UTRN: variants seen among roughly 807,000 people sequenced by gnomAD.
UTRN encodes the protein dystrophin-related protein 1.
UTRN carries 283 observed loss-of-function variants against 463.9 expected under a neutral mutation model. The ratio of observed to expected loss-of-function variants is 0.61; its 90% CI spans 0.55 to 0.67. UTRN has a LOEUF of 0.67. UTRN is among the 30% of genes least tolerant of loss of function. The pLI is 0.00. For missense variants in UTRN, 3,922 were observed against 4,084.3 expected, an observed-to-expected ratio of 0.96 and a Z score of 1.08; for synonymous variants, 1,442 against 1,431.5, an observed-to-expected ratio of 1.01 and a Z score of -0.17.
chr6:144,382,600 T>C (rs1781034136), intron 2 of UTRN, among the ~76,000 whole-genome samples: 1 of 152,196 alleles, frequency 6.6e-6, no homozygotes, highest in Admixed American at 6.5e-5. Context: ...ATAACAATTG[T>C]TTAAGGGTTG....
intron 2 of UTRN, among the ~76,000 whole-genome samples, chr6:144,349,026 T>C (rs934153908): frequency 6.6e-6 from 1 of 152,142 alleles, no homozygotes; most frequent in African/African-American, 2.4e-5. Flanking sequence ...TTTTTTTGTT[T>C]TGAGACGGAG....
At chr6:144,814,258 C>T (rs973208766) in intron 65 of UTRN, among the ~76,000 whole-genome samples, 27 of 152,106 alleles carry the variant, frequency 1.8e-4, no homozygotes, top group African/African-American at 6.0e-4. Flanking sequence ...CATGGGAGGA[C>T]GCAGTGAGAA....
At chr6:144,831,426 G>A (rs1780662351) in intron 69 of UTRN, among the ~76,000 whole-genome samples, 1 of 152,132 alleles carries the variant, frequency 6.6e-6, no homozygotes, top group Non-Finnish European at 1.5e-5. Flanking sequence ...CTTTGAAAAT[G>A]AGGAATGCAG....
intron 51 of UTRN, among the ~76,000 whole-genome samples, chr6:144,602,662 A>G (rs1033429392): frequency 2.6e-5 from 4 of 152,300 alleles, no homozygotes; most frequent in African/African-American, 9.6e-5. Context: ...GAAAATTCTC[A>G]GTATCGCCTC....
intron 53 of UTRN, among the ~76,000 whole-genome samples, chr6:144,727,771 CAAAA>C (rs1414665778): frequency 2.0e-5 from 3 of 151,020 alleles, no homozygotes; most frequent in Non-Finnish European, 3.0e-5. Context: ...TCTCAAAAAA[CAAAA>C]CAAACAAACA....
intron 29 of UTRN, 21 bp downstream of exon 29, chr6:144,487,718 G>C: frequency 6.3e-7 from 1 of 1,586,248 alleles, no homozygotes. Flanking sequence ...GGACATACAT[G>C]GGTGTTGATT....
chr6:144,748,811 A>T (rs941565326), intron 55 of UTRN, among the ~76,000 whole-genome samples: 2 of 152,160 alleles, frequency 1.3e-5, no homozygotes, highest in Admixed American at 6.6e-5. Context: ...ACCTATTTTT[A>T]AAAAATATTT....
At chr6:144,762,803 AG>A (rs1792856279) in intron 58 of UTRN, among the ~76,000 whole-genome samples, 1 of 152,244 alleles carries the variant, frequency 6.6e-6, no homozygotes, top group South Asian at 2.1e-4. Context: ...ATAAGTCCTA[AG>A]GGACTTGAAA....
At chr6:144,827,822 T>C in intron 68 of UTRN, 146 bp downstream of exon 68, 1 of 973,656 alleles carries the variant, frequency 1.0e-6, no homozygotes, top group Middle Eastern at 2.2e-4. Flanking sequence ...ATTTGGGCTC[T>C]CATATTTTCA....
intron 9 of UTRN, among the ~76,000 whole-genome samples, chr6:144,433,958 T>C (rs1018707578): frequency 2.0e-5 from 3 of 152,206 alleles, no homozygotes; most frequent in Non-Finnish European, 4.4e-5. Flanking sequence ...GGGCAGAGGC[T>C]GCAGTCTCGG....
intron 33 of UTRN, among the ~76,000 whole-genome samples, chr6:144,497,589 G>C (rs1428550600): frequency 6.6e-6 from 1 of 151,866 alleles, no homozygotes; most frequent in African/African-American, 2.4e-5. Context: ...GCTGAGGCAG[G>C]AGAATCACTT....
At chr6:144,473,660 G>C in intron 23 of UTRN, 60 bp from the exon 24 acceptor site, 1 of 1,316,164 alleles carries the variant, frequency 7.6e-7, no homozygotes, top group Non-Finnish European at 1.1e-6. Flanking sequence ...GGTAGATCTT[G>C]AGATGTAGTA....
At chr6:144,548,535 T>C (rs1798617817) in intron 46 of UTRN, 105 bp from the exon 47 acceptor site, 1 of 1,131,698 alleles carries the variant, frequency 8.8e-7, no homozygotes, top group African/African-American at 1.6e-5. Flanking sequence ...TTTTTTTTAC[T>C]TAAACTAAAT....
At chr6:144,774,256 G>A (rs1227719652) in intron 59 of UTRN, 34 bp from the exon 60 acceptor site, 2 of 1,562,146 alleles carry the variant, frequency 1.3e-6, no homozygotes, top group Admixed American at 1.9e-5. Context: ...TCAATAATAA[G>A]CCTATCTTCA....
In UTRN at chr6:144,286,607, C is replaced by T. The variant is rs1803682990; in HGVS notation, c.-93+786C>T. On this transcript the variant is annotated intron_variant, in intron 1 of 74. Transcript: ENST00000367545. This position sits in a 1 kb window ranked among gnomAD's most constrained non-coding sequence, Gnocchi z 4.4. ...CCCCGCTTTGGCCCGGGGTCCGAGG[C>T]TGTGGTTGCTCAAGGCCACTTAAAA... 6.6e-6 allele frequency among the ~76,000 whole-genome samples: 1 copy of T among 152,124 alleles called. No homozygotes were observed. Among genetic ancestry groups the T allele is most frequent in the Non-Finnish European group, 1.5e-5 (1 of 68,030 alleles).
At chr6:144,480,240 GGGA>G (rs1429729555) in intron 26 of UTRN, among the ~76,000 whole-genome samples, 1 of 152,144 alleles carries the variant, frequency 6.6e-6, no homozygotes, top group Non-Finnish European at 1.5e-5. Flanking sequence ...TTAGACCTTT[GGGA>G]GGCTACAGAG....
At chr6:144,350,746 G>C (rs1778041965) in intron 2 of UTRN, among the ~76,000 whole-genome samples, 1 of 152,132 alleles carries the variant, frequency 6.6e-6, no homozygotes, top group African/African-American at 2.4e-5. Context: ...TACTCTTAAT[G>C]ATTCCAAGGG....
chr6:144,314,384 G>A (rs2114566352), intron 2 of UTRN, among the ~76,000 whole-genome samples: 1 of 152,268 alleles, frequency 6.6e-6, no homozygotes, highest in Admixed American at 6.5e-5. Flanking sequence ...CCCAGGACCT[G>A]GATGCTGACC....
rs190875769 is a variant in UTRN at position 144,851,826 on chromosome 6, A to G, written c.*829A>G. The G allele has an allele frequency of 5.4e-3, 818 of 152,340 alleles. 12 individuals carry two copies. Among genetic ancestry groups the G allele is most frequent in the African/African-American group, 0.019 (780 of 41,572 alleles). 9.4% of individuals were successfully genotyped at this position (152,340 alleles called of 1,614,324 possible). On this transcript the variant is annotated 3_prime_UTR_variant, in exon 75 of 75. Transcript: ENST00000367545. ...TAATCTATTTGATAAAGAAGACTACATTATAATAATCTCAAAGATCATATT... is the reference window on the plus strand; with the variant it reads ...TAATCTATTTGATAAAGAAGACTACGTTATAATAATCTCAAAGATCATATT...
Sources: allele counts gnomAD v4.1 joint callset (sites outside exome capture counted in the v4.1 genomes callset), GRCh38; gene constraint gnomAD v4.1.1; non-coding constraint Gnocchi (gnomAD v3.1); transcripts MANE v1.5; gene names NCBI Gene and HGNC (gene_info 2026-07-23, HGNC 2026-07-21).